ZNF490: variants seen among roughly 807,000 people sequenced by gnomAD.
ZNF490 encodes zinc finger protein 490.
In ZNF490, 11 loss-of-function variants were observed where a neutral mutation model predicts 17.7. That is an observed-to-expected ratio of 0.62 (90% CI 0.39 to 1.03). ZNF490 has a LOEUF of 1.03. Ranked by LOEUF, ZNF490 falls within the 50% of genes least tolerant of loss-of-function variation. The pLI, the probability that ZNF490 is intolerant of heterozygous loss-of-function variation, is 0.00. For missense variants in ZNF490, 542 were observed against 643.4 expected, an observed-to-expected ratio of 0.84 and a Z score of 1.71; for synonymous variants, 222 against 216.1, an observed-to-expected ratio of 1.03 and a Z score of -0.24.
intron 4 of ZNF490, 113 bp downstream of exon 4, chr19:12,582,737 A>C: frequency 1.0e-6 from 1 of 986,564 alleles, no homozygotes. Flanking sequence ...AAAATTTTCT[A>C]AGAATGAATA....
intron 2 of ZNF490, among the ~76,000 whole-genome samples, chr19:12,593,603 AAG>A: frequency 6.6e-6 from 1 of 152,272 alleles, no homozygotes; most frequent in Non-Finnish European, 1.5e-5. Context: ...ACAATCACTC[AAG>A]AGTGTGTAAA....
intron 2 of ZNF490, among the ~76,000 whole-genome samples, chr19:12,589,828 T>C (rs965512192): frequency 2.0e-5 from 3 of 152,134 alleles, no homozygotes; most frequent in Non-Finnish European, 4.4e-5. Flanking sequence ...CCCAGTAATA[T>C]GAGGAACAAG....
chr19:12,592,329 G>A (rs2022882904), intron 2 of ZNF490, among the ~76,000 whole-genome samples: 1 of 151,936 alleles, frequency 6.6e-6, no homozygotes, highest in Non-Finnish European at 1.5e-5. Context: ...GGGCACTGAG[G>A]CAGGAGGATC....
Position 12,604,174 on chromosome 19 carries a change from T to C in ZNF490, c.162+4984A>G, listed in dbSNP as rs140252941. The stretch of plus-strand genomic sequence containing the variant: ...GTTGGTAAATAAGAACATAACCATA[T>C]GCCTGGAGGTATCTCTTCATCTGGC... On this transcript the variant is annotated intron_variant, in intron 2 of 4. Transcript: ENST00000311437. Among the ~76,000 whole-genome samples the C allele has an allele frequency of 2.1e-3, 325 of 152,354 alleles. 4 individuals are homozygous for C. Among genetic ancestry groups the C allele is most frequent in the African/African-American group, 7.4e-3 (308 of 41,588 alleles).
In ZNF490 at chr19:12,582,862, C is replaced by T. The variant is rs774545132; in HGVS notation, c.338G>A (p.Gly113Glu). The change falls in exon 4 of 5, where the codon GGA becomes GAA. Residue 113 changes from glycine to glutamate, a missense_variant. By Grantham distance (98) the Gly-to-Glu change is moderately conservative. Coordinates refer to ENST00000311437, the MANE Select transcript of ZNF490 (RefSeq NM_020714.3). Reference sequence around the variant, plus strand: ...GAATGCAACTCACCTTAGATTTCTTCCCTGGTTTTTGTGTTCATCTTCAAT... The same window carrying T: ...GAATGCAACTCACCTTAGATTTCTTTCCTGGTTTTTGTGTTCATCTTCAAT... The part of the protein sequence containing the change: ...QDIEDEHKNQ[G>E]RNLRSPMVEA... 4.1e-5 allele frequency: 66 copies of T among 1,612,480 alleles called. No individual in the cohort carries two copies. The East Asian group carries it at 1.4e-3, about 33-fold the overall frequency.
At chr19:12,610,388 A>C (rs2023132975) in intron 1 of ZNF490, among the ~76,000 whole-genome samples, 176 bp downstream of exon 1, 1 of 148,278 alleles carries the variant, frequency 6.7e-6, no homozygotes. Context: ...TTCCTTTTCT[A>C]AAGTGCCAAA....
chr19:12,579,028 C>A lies in ZNF490; in HGVS notation c.*1457G>T. On this transcript the variant is annotated 3_prime_UTR_variant, in exon 5 of 5. Coordinates refer to ENST00000311437, the MANE Select transcript of ZNF490 (RefSeq NM_020714.3). ...CAGCACTTTGGGAGGCCGAGGAGGG[C>A]GGATCACGAGGTCAGGAGATCAAGA... 1 of 730,740 alleles carries A rather than the reference C, an allele frequency of 1.4e-6. No homozygotes were observed. The highest frequency in any genetic ancestry group is 1.7e-6 in the Non-Finnish European group (1 of 599,510). The allele number at this position is 730,740 out of a possible 1,614,324, so 45.3% of individuals were successfully genotyped here.
chr19:12,604,131 G>A (rs1003508054), intron 2 of ZNF490, among the ~76,000 whole-genome samples: 4 of 152,196 alleles, frequency 2.6e-5, no homozygotes, highest in African/African-American at 4.8e-5. Context: ...CCAAAAACAC[G>A]GCTCAGAGAG....
rs1326806682 is a variant in ZNF490 at position 12,581,640 on chromosome 19, C to T, written c.435G>A (p.Thr145=). Residue 145 remains threonine (T), a synonymous_variant, in exon 5 of 5, where the codon ACG becomes ACA. Transcript: ENST00000311437. ...TTAATCCAGTAGGAGTTTCCAGGTT[C>T]GTATTAAGATCAGGAATCTGGCTAG... ...KSTSQIPDLN[T]NLETPTGLKP... is the part of the protein sequence containing the mutation. The T allele has an allele frequency of 1.9e-6, 3 of 1,614,090 alleles. No individual in the cohort carries two copies. The highest frequency in any genetic ancestry group is 2.2e-5 in the East Asian group (1 of 44,878).
chr19:12,587,472 GA>G (rs1187010198), intron 2 of ZNF490, among the ~76,000 whole-genome samples: 1 of 55,016 alleles, frequency 1.8e-5, no homozygotes, highest in Non-Finnish European at 4.6e-5. Context: ...AGATTGGGGG[GA>G]GGGGGGAGGG....
At position 12,583,532 on chromosome 19, in the gene ZNF490, C is replaced by A; in HGVS notation, c.187G>T (p.Ala63Ser). 1 of 1,603,172 alleles carries A rather than the reference C, an allele frequency of 6.2e-7. No homozygotes were observed. Among genetic ancestry groups the A allele is most frequent in the Non-Finnish European group, 8.5e-7 (1 of 1,172,992 alleles). Residue 63 changes from alanine to serine, a missense_variant, in exon 3 of 5, where the codon GCT (alanine) becomes TCT (serine). Ala to Ser is a moderately conservative substitution (Grantham distance 99). Transcript: ENST00000311437. Reference sequence around the variant, plus strand: ...CACTCCTCCAGGGTGAAGTTCACAGCCACATCCTCAAGGGAGATGGAGTCC... The same window carrying A: ...CACTCCTCCAGGGTGAAGTTCACAGACACATCCTCAAGGGAGATGGAGTCC... The part of the protein sequence containing the change: ...QTDSISLEDV[A>S]VNFTLEEWAL...
At position 12,580,264 on chromosome 19, in the gene ZNF490, A is replaced by G. The variant is rs1025861252; in HGVS notation, c.*221T>C. 8 of 1,322,770 alleles carry G rather than the reference A, an allele frequency of 6.0e-6. No individual in the cohort carries two copies. Among genetic ancestry groups the G allele is most frequent in the Non-Finnish European group, 6.7e-6 (7 of 1,039,132 alleles). The allele number at this position is 1,322,770 out of a possible 1,614,324, so 81.9% of individuals were successfully genotyped here. A position where few individuals can be genotyped will look rare whatever the true frequency, so the allele number is the denominator to read the frequency against. On this transcript the variant is annotated 3_prime_UTR_variant, in exon 5 of 5. Coordinates refer to ENST00000311437, the MANE Select transcript of ZNF490 (RefSeq NM_020714.3). ...CCATACATTCGTAGCTTTTCTGTCC[A>G]TGGAGTCCATTCACATATCTGCAAT...
intron 2 of ZNF490, among the ~76,000 whole-genome samples, chr19:12,595,384 A>G (rs1485197001): frequency 6.6e-6 from 1 of 152,088 alleles, no homozygotes; most frequent in African/African-American, 2.4e-5. Context: ...AAGTGTTTGG[A>G]TAACAGGTGT....
chr19:12,605,719 A>C (rs1431990286), intron 2 of ZNF490, among the ~76,000 whole-genome samples: 1 of 152,136 alleles, frequency 6.6e-6, no homozygotes, highest in African/African-American at 2.4e-5. Context: ...CTCCAGGTAG[A>C]TACTGTCACA....
intron 2 of ZNF490, among the ~76,000 whole-genome samples, chr19:12,603,812 T>C (rs1467169813): frequency 6.6e-6 from 1 of 151,704 alleles, no homozygotes. Flanking sequence ...AATGGCCTTT[T>C]GTATTCAGTT....
At chr19:12,605,936 C>T (rs894387260) in intron 2 of ZNF490, among the ~76,000 whole-genome samples, 12 of 151,018 alleles carry the variant, frequency 7.9e-5, no homozygotes, top group African/African-American at 2.9e-4. Context: ...CCCAGGCTGG[C>T]GTGCAATGAT....
intron 2 of ZNF490, among the ~76,000 whole-genome samples, chr19:12,597,627 T>C (rs1329337547): frequency 3.9e-5 from 6 of 152,228 alleles, no homozygotes; most frequent in South Asian, 2.1e-4. Flanking sequence ...CCTCAGCCCC[T>C]GACACCTACT....
intron 2 of ZNF490, among the ~76,000 whole-genome samples, chr19:12,604,371 G>T (rs929840614): frequency 2.6e-5 from 4 of 152,022 alleles, no homozygotes; most frequent in Non-Finnish European, 4.4e-5. Context: ...CAAAAATTAG[G>T]CCAGGTGCAG....
intron 2 of ZNF490, among the ~76,000 whole-genome samples, chr19:12,588,665 T>C (rs1019559703): frequency 6.6e-6 from 1 of 152,232 alleles, no homozygotes; most frequent in African/African-American, 2.4e-5. Context: ...AACAGCAGAA[T>C]ATACATTCTT....
Sources: allele counts gnomAD v4.1 joint callset (sites outside exome capture counted in the v4.1 genomes callset), GRCh38; gene constraint gnomAD v4.1.1; transcripts MANE v1.5; gene names NCBI Gene and HGNC (gene_info 2026-07-23, HGNC 2026-07-21).